ATP1A1: variants seen among roughly 807,000 people sequenced by gnomAD.
The protein encoded by ATP1A1 is ATPase Na+/K+ transporting subunit alpha 1.
In ATP1A1, 14 loss-of-function variants were observed where a neutral mutation model predicts 114.8. The ratio of observed to expected loss-of-function variants is 0.12; its 90% CI spans 0.08 to 0.19. ATP1A1 has a LOEUF of 0.19. Ranked by LOEUF, ATP1A1 falls within the 10% of genes least tolerant of loss-of-function variation. The pLI is 1.00. For missense variants in ATP1A1, 524 were observed against 1,290.7 expected, an observed-to-expected ratio of 0.41 and a Z score of 9.10; for synonymous variants, 471 against 466.3, an observed-to-expected ratio of 1.01 and a Z score of -0.13.
Position 116,381,050 on chromosome 1 carries a change from C to A in ATP1A1, c.13-2964C>A, listed in dbSNP as rs1454450419. Among the ~76,000 whole-genome samples, 1 of 152,120 alleles carries A rather than the reference C, an allele frequency of 6.6e-6. No homozygotes were observed. The highest frequency in any genetic ancestry group is 2.4e-5 in the African/African-American group (1 of 41,422). On this transcript the variant is annotated intron_variant, in intron 1 of 22. Transcript: ENST00000295598. The surrounding 1 kb of genome is among the most constrained non-coding windows in gnomAD (Gnocchi z 5.1). ...GCTCAAAGGGGCGGGGGTGCCCTTA[C>A]ATGGAACATGATGAGAGTGAGGATT...
At position 116,404,575 on chromosome 1, in the gene ATP1A1, G is replaced by A. The variant is rs1653819000; in HGVS notation, c.*131G>A. ...GGAAAGCACCGCAGCATGTGGGGAAGCAAGACGTCCTGGAATGAAGCATGT... is the reference window on the plus strand; with the variant it reads ...GGAAAGCACCGCAGCATGTGGGGAAACAAGACGTCCTGGAATGAAGCATGT... On this transcript the variant is annotated 3_prime_UTR_variant, in exon 23 of 23. Transcript: ENST00000295598. This position sits in a 1 kb window ranked among gnomAD's most constrained non-coding sequence, Gnocchi z 4.8. 3.5e-6 allele frequency: 5 copies of A among 1,411,922 alleles called. No individual in the cohort carries two copies. The Admixed American group carries it at 1.3e-4, about 38-fold the overall frequency. 87.5% of individuals were successfully genotyped at this position (1,411,922 alleles called of 1,614,324 possible).
intron 1 of ATP1A1, among the ~76,000 whole-genome samples, chr1:116,380,114 T>A (rs1466445689): frequency 1.3e-5 from 2 of 152,222 alleles, no homozygotes; most frequent in Non-Finnish European, 2.9e-5. Flanking sequence ...CTAATCAGAC[T>A]ATGAAAATGC....
intron 1 of ATP1A1, among the ~76,000 whole-genome samples, chr1:116,376,786 C>CA (rs1241640572): frequency 4.6e-5 from 7 of 150,798 alleles, no homozygotes; most frequent in East Asian, 1.9e-4. Flanking sequence ...CAAACCAAAA[C>CA]AAAAAAACAA....
At chr1:116,373,915 C>A in intron 1 of ATP1A1, 1 of 1,309,186 alleles carries the variant, frequency 7.6e-7, no homozygotes, top group Non-Finnish European at 9.7e-7. Flanking sequence ...GAGCCTGGCT[C>A]CCCTCCCTGC....
In ATP1A1 at chr1:116,393,707, C is replaced by T. The variant is rs375787318; in HGVS notation, c.1644C>T (p.Leu548=). The change falls in exon 12 of 23, where the codon CTC becomes CTT. Residue 548 remains leucine, a synonymous_variant. Coordinates refer to ENST00000295598, the MANE Select transcript of ATP1A1 (RefSeq NM_000701.8). The surrounding 1 kb of genome is among the most constrained non-coding windows in gnomAD (Gnocchi z 5.0). ...ACGCCTATTTGGAGCTGGGGGGCCT[C>T]GGAGAACGAGTCCTAGGTATGCAGA... The part of the protein sequence containing the change: ...FQNAYLELGG[L]GERVLGFCHL... 930 of 1,613,064 alleles carry T rather than the reference C, an allele frequency of 5.8e-4. No homozygotes were observed. The highest frequency in any genetic ancestry group is 7.2e-4 in the Non-Finnish European group (847 of 1,179,940).
At position 116,404,467 on chromosome 1, in the gene ATP1A1, A is replaced by G; in HGVS notation, c.*23A>G. On this transcript the variant is annotated 3_prime_UTR_variant, in exon 23 of 23. Coordinates refer to ENST00000295598, the MANE Select transcript of ATP1A1 (RefSeq NM_000701.8). The surrounding 1 kb of genome is among the most constrained non-coding windows in gnomAD (Gnocchi z 4.8). ...TAGCCCCCCGTCCTGCACGCCGTGG[A>G]GCATCAGGCCACACACTCTGCATCC... is the stretch of plus-strand genomic sequence containing the variant. 1.2e-6 allele frequency: 2 copies of G among 1,606,226 alleles called. No homozygotes were observed. Among genetic ancestry groups the G allele is most frequent in the South Asian group, 1.1e-5 (1 of 89,910 alleles).
intron 10 of ATP1A1, among the ~76,000 whole-genome samples, chr1:116,391,868 C>T (rs1307805777): frequency 1.3e-5 from 2 of 152,172 alleles, no homozygotes; most frequent in Non-Finnish European, 2.9e-5. Context: ...GTAGCAGAAG[C>T]TGTATTCCAA....
rs934067705 is a variant in ATP1A1 at position 116,392,936 on chromosome 1, A to G, written c.1415A>G (p.Glu472Gly). 11 of 1,614,002 alleles carry G rather than the reference A, an allele frequency of 6.8e-6. No individual in the cohort carries two copies. Among genetic ancestry groups the G allele is most frequent in the Admixed American group, 1.7e-5 (1 of 59,994 alleles). Residue 472 changes from glutamate (E) to glycine (G), a missense_variant, in exon 11 of 23, where the codon GAA (glutamate) becomes GGA (glycine). Physicochemically the swap from Glu to Gly is moderately conservative, Grantham distance 98. Transcript: ENST00000295598. ...LCCGSVKEMR[E>G]RYAKIVEIPF... ...TGTGGTTCCGTGAAGGAGATGAGAG[A>G]AAGATACGCCAAAATCGTCGAGATA... is the stretch of plus-strand genomic sequence containing the variant.
At chr1:116,375,757 T>C (rs1651322582) in intron 1 of ATP1A1, among the ~76,000 whole-genome samples, 1 of 152,190 alleles carries the variant, frequency 6.6e-6, no homozygotes, top group African/African-American at 2.4e-5. Flanking sequence ...GGGATTAAAA[T>C]GTGGGTGGAG....
chr1:116,388,405 A>G lies in ATP1A1; in HGVS notation c.501+161A>G. ...AAACCAACCTATTTTCCTTCTATCCAAAAAGTGGTAGCCTTTCTTTTGAAT... is the reference window on the plus strand; with the variant it reads ...AAACCAACCTATTTTCCTTCTATCCGAAAAGTGGTAGCCTTTCTTTTGAAT... On this transcript the variant is annotated intron_variant, in intron 5 of 22. Coordinates refer to ENST00000295598, the MANE Select transcript of ATP1A1 (RefSeq NM_000701.8). The surrounding 1 kb of genome is among the most constrained non-coding windows in gnomAD (Gnocchi z 5.6). The G allele has an allele frequency of 1.1e-6, 1 of 951,818 alleles. No individual in the cohort carries two copies. The highest frequency in any genetic ancestry group is 1.6e-6 in the Non-Finnish European group (1 of 643,578). The allele number at this position is 951,818 out of a possible 1,614,324, so 59.0% of individuals were successfully genotyped here.
Position 116,388,963 on chromosome 1 carries a change from A to G in ATP1A1, c.698A>G (p.Asn233Ser). ...CAGACTAGGTCTCCAGATTTCACAA[A>G]TGAAAACCCCCTGGAGACGAGGAAC... ...EPQTRSPDFT[N>S]ENPLETRNIA... The change falls in exon 7 of 23, where the codon AAT becomes AGT. Residue 233 changes from asparagine (N) to serine (S), a missense_variant. By Grantham distance (46) the Asn-to-Ser change is conservative. Around this residue, in one of 8 missense-constraint regions of ATP1A1, gnomAD observed 141 missense variants for 316.6 expected, o/e 0.45. Transcript: ENST00000295598. This position sits in a 1 kb window ranked among gnomAD's most constrained non-coding sequence, Gnocchi z 5.6. 1 of 1,614,196 alleles carries G rather than the reference A, an allele frequency of 6.2e-7. No homozygotes were observed. Among genetic ancestry groups the G allele is most frequent in the Non-Finnish European group, 8.5e-7 (1 of 1,180,032 alleles).
rs762495231 is a variant in ATP1A1, at chr1:116,388,117, C to T, written c.388-14C>T. ...TGTAGAGCCACGGGCCCTAACTTGT[C>T]TTTTCCCTTCCAGCTGTACCTGGGT... On this transcript the variant is annotated splice_polypyrimidine_tract_variant and intron_variant, in intron 4 of 22. Transcript: ENST00000295598. The surrounding 1 kb of genome is among the most constrained non-coding windows in gnomAD (Gnocchi z 5.6). 3 of 1,587,794 alleles carry T rather than the reference C, an allele frequency of 1.9e-6. No homozygotes were observed. Among genetic ancestry groups the T allele is most frequent in the East Asian group, 4.5e-5 (2 of 44,174 alleles).
At position 116,397,825 on chromosome 1, in the gene ATP1A1, G is replaced by C; in HGVS notation, c.1974-63G>C. 6.4e-7 allele frequency: 1 copy of C among 1,558,516 alleles called. No homozygotes were observed. Among genetic ancestry groups the C allele is most frequent in the Non-Finnish European group, 8.7e-7 (1 of 1,151,694 alleles). On this transcript the variant is annotated intron_variant, in intron 14 of 22. Transcript: ENST00000295598. The surrounding 1 kb of genome is among the most constrained non-coding windows in gnomAD (Gnocchi z 4.2). ...TCTGCATAAGAATATCCCCTCTTGA[G>C]GTGATGGACACATGCTGGTGATGTG... is the stretch of plus-strand genomic sequence containing the variant.
In ATP1A1 at chr1:116,395,317, C is replaced by G. The variant is rs375039182; in HGVS notation, c.1836+32C>G. 14 of 1,608,982 alleles carry G rather than the reference C, an allele frequency of 8.7e-6. No homozygotes were observed. In the African/African-American group the frequency reaches 1.7e-4, roughly 20 times the overall value. On this transcript the variant is annotated intron_variant, in intron 13 of 22. Transcript: ENST00000295598. This position sits in a 1 kb window ranked among gnomAD's most constrained non-coding sequence, Gnocchi z 6.4. The stretch of plus-strand genomic sequence containing the variant: ...CCCAGGCGCCTCCTTGGCTTCATCT[C>G]TTAGTGCCTTGGGACACCCTACTCA...
chr1:116,373,786 G>A, intron 1 of ATP1A1: 1 of 1,196,084 alleles, frequency 8.4e-7, no homozygotes, highest in Non-Finnish European at 1.0e-6. Context: ...GGCGGGGGCT[G>A]CGCGCCCCGG....
intron 1 of ATP1A1, chr1:116,383,277 C>T (rs780012956): frequency 1.3e-5 from 11 of 866,478 alleles, no homozygotes; most frequent in South Asian, 3.2e-5. Context: ...ATCTCTTATG[C>T]AAAGAATTTT....
At chr1:116,396,235 A>G (rs890713664) in intron 13 of ATP1A1, among the ~76,000 whole-genome samples, 1 of 147,232 alleles carries the variant, frequency 6.8e-6, no homozygotes, top group Non-Finnish European at 1.5e-5. Context: ...AGCCAGTAGC[A>G]TGTGGTGTCT....
At chr1:116,390,119 T>A (rs1248130224) in intron 8 of ATP1A1, 94 bp from the exon 9 acceptor site, 3 of 1,289,816 alleles carry the variant, frequency 2.3e-6, no homozygotes, top group Non-Finnish European at 1.1e-6. Flanking sequence ...AGATTTAATT[T>A]TAGACAAATT....
chr1:116,402,925 T>C (rs987112442), intron 21 of ATP1A1, among the ~76,000 whole-genome samples: 1 of 152,216 alleles, frequency 6.6e-6, no homozygotes, highest in African/African-American at 2.4e-5. Context: ...TACACAAAGC[T>C]GGTGTACAGC....
Sources: gnomAD v4.1 joint callset for allele counts (sites outside exome capture counted in the v4.1 genomes callset) on GRCh38, gnomAD v4.1.1 for gene constraint, gnomAD v4.1.1 regional missense constraint, Gnocchi (gnomAD v3.1) non-coding constraint, MANE v1.5 for transcripts, NCBI Gene and HGNC (gene_info 2026-07-23, HGNC 2026-07-21) for gene names.